PDE1A: variants seen among roughly 807,000 people sequenced by gnomAD.
PDE1A encodes the protein dual specificity calcium/calmodulin-dependent 3',5'-cyclic nucleotide phosphodiesterase 1A.
In PDE1A, 35 loss-of-function variants were observed where a neutral mutation model predicts 61.7. The observed-to-expected ratio is 0.57, with a 90% CI of 0.43 to 0.75. PDE1A has a LOEUF of 0.75. Among genes scored for constraint, PDE1A ranks in the 30% least tolerant of loss-of-function variants. The pLI is 0.00. For missense variants in PDE1A, 597 were observed against 630.6 expected, an observed-to-expected ratio of 0.95 and a Z score of 0.57; for synonymous variants, 232 against 213.2, an observed-to-expected ratio of 1.09 and a Z score of -0.77.
chr2:182,241,115 G>A (rs1183997345), intron 2 of PDE1A, among the ~76,000 whole-genome samples: 1 of 152,108 alleles, frequency 6.6e-6, no homozygotes, highest in African/African-American at 2.4e-5. Flanking sequence ...CATTAAAGAG[G>A]AAACTAAGGA....
intron 13 of PDE1A, among the ~76,000 whole-genome samples, chr2:182,154,526 A>C (rs1690957082): frequency 6.6e-6 from 1 of 152,162 alleles, no homozygotes; most frequent in Non-Finnish European, 1.5e-5. Context: ...TAATTGAATC[A>C]TGGGGGCAGT....
At chr2:182,434,547 T>G (rs568966185) in intron 2 of PDE1A, among the ~76,000 whole-genome samples, 1 of 152,136 alleles carries the variant, frequency 6.6e-6, no homozygotes, top group East Asian at 1.9e-4. Context: ...AAGCCCTTTT[T>G]TTTTCCTGAA....
the PDE1A span, among the ~76,000 whole-genome samples, chr2:182,707,823 C>T: frequency 6.6e-6 from 1 of 151,996 alleles, no homozygotes. Flanking sequence ...AGGTAGAAGT[C>T]GCAATTAAAT....
chr2:182,582,981 C>A, the PDE1A span, among the ~76,000 whole-genome samples: 10 of 152,038 alleles, frequency 6.6e-5, no homozygotes, highest in Non-Finnish European at 1.0e-4. Flanking sequence ...GCGCTTGAAC[C>A]AGACCTTTAA....
intron 2 of PDE1A, among the ~76,000 whole-genome samples, chr2:182,479,923 A>G (rs1687603702): frequency 1.3e-5 from 2 of 152,038 alleles, no homozygotes; most frequent in Non-Finnish European, 2.9e-5. Context: ...GTCAATGATA[A>G]GCTGTTGAAA....
At chr2:182,417,399 C>A (rs1400750437) in intron 1 of PDE1A, among the ~76,000 whole-genome samples, 1 of 152,100 alleles carries the variant, frequency 6.6e-6, no homozygotes, top group East Asian at 1.9e-4. Flanking sequence ...CTGGGTTTTA[C>A]CCAGAGATTT....
chr2:182,516,702 G>GGAAGGAAGGAAGGAAGGAAGGA (rs1690179893), intron 2 of PDE1A, among the ~76,000 whole-genome samples: 4 of 116,764 alleles, frequency 3.4e-5, no homozygotes, highest in African/African-American at 1.0e-4. Context: ...GGGAGGAAGG[G>GGAAGGAAGGAAGGAAGGAAGGA]AGGAAGGAAG....
the PDE1A span, among the ~76,000 whole-genome samples, chr2:182,632,945 G>A: frequency 6.6e-6 from 1 of 152,234 alleles, no homozygotes; most frequent in East Asian, 1.9e-4. Context: ...AATGATTTTA[G>A]GACTTCATGG....
At chr2:182,404,800 C>T (rs1702211429) in intron 1 of PDE1A, among the ~76,000 whole-genome samples, 1 of 152,178 alleles carries the variant, frequency 6.6e-6, no homozygotes, top group African/African-American at 2.4e-5. Flanking sequence ...GAGCTGTCAT[C>T]TCCTTTGTTA....
At chr2:182,156,127 T>C (rs893222293) in intron 13 of PDE1A, among the ~76,000 whole-genome samples, 5 of 152,188 alleles carry the variant, frequency 3.3e-5, no homozygotes, top group African/African-American at 1.2e-4. Context: ...ATATGTATTT[T>C]AGCATGAAGT....
At chr2:182,564,299 C>A in the PDE1A span, among the ~76,000 whole-genome samples, 406 of 152,240 alleles carry the variant, frequency 2.7e-3, 2 homozygotes, top group African/African-American at 9.3e-3. Flanking sequence ...TATTTTATTT[C>A]TCCTTCACTT....
At chr2:182,648,223 T>C in the PDE1A span, among the ~76,000 whole-genome samples, 1 of 152,136 alleles carries the variant, frequency 6.6e-6, no homozygotes, top group Non-Finnish European at 1.5e-5. Flanking sequence ...GATGTTTCTA[T>C]GGGCTTGTTG....
At chr2:182,606,161 C>T in the PDE1A span, among the ~76,000 whole-genome samples, 3 of 152,176 alleles carry the variant, frequency 2.0e-5, no homozygotes, top group African/African-American at 4.8e-5. Context: ...TATGTATGTA[C>T]GTATGTAGTT....
chr2:182,563,864 C>G, the PDE1A span, among the ~76,000 whole-genome samples: 6 of 152,132 alleles, frequency 3.9e-5, no homozygotes. Flanking sequence ...TTATCAGAGA[C>G]TAGGATTGCA....
the PDE1A span, among the ~76,000 whole-genome samples, chr2:182,595,185 G>A: frequency 5.8e-3 from 888 of 152,094 alleles, 9 homozygotes; most frequent in African/African-American, 0.02. Context: ...TTTAAGCAAG[G>A]CCTGAAGCTT....
At chr2:182,342,331 C>G (rs763154108) in intron 1 of PDE1A, among the ~76,000 whole-genome samples, 1 of 151,972 alleles carries the variant, frequency 6.6e-6, no homozygotes, top group East Asian at 1.9e-4. Context: ...TAGGTAAGCA[C>G]GTGTCATGAA....
At chr2:182,500,285 C>G (rs1166161520) in intron 2 of PDE1A, among the ~76,000 whole-genome samples, 8 of 152,130 alleles carry the variant, frequency 5.3e-5, no homozygotes, top group African/African-American at 1.9e-4. Context: ...AATACTGATT[C>G]ACTGAAGTGG....
At chr2:182,448,502 G>A (rs142311547) in intron 2 of PDE1A, among the ~76,000 whole-genome samples, 1 of 152,114 alleles carries the variant, frequency 6.6e-6, no homozygotes, top group East Asian at 1.9e-4. Flanking sequence ...CAGAAATGTT[G>A]GGTTATGGAC....
At chr2:182,608,652 T>G in the PDE1A span, among the ~76,000 whole-genome samples, 1 of 152,210 alleles carries the variant, frequency 6.6e-6, no homozygotes, top group Non-Finnish European at 1.5e-5. Flanking sequence ...AGGGCAGGGC[T>G]CGGGACCTGC....
Sources: gnomAD v4.1 joint callset for allele counts (sites outside exome capture counted in the v4.1 genomes callset) on GRCh38, gnomAD v4.1.1 for gene constraint, MANE v1.5 for transcripts, NCBI Gene and HGNC (gene_info 2026-07-23, HGNC 2026-07-21) for gene names.